KCNN2: variants seen among roughly 807,000 people sequenced by gnomAD.
The protein encoded by KCNN2 is potassium calcium-activated channel subfamily N member 2, also known as small conductance calcium-activated potassium channel protein 2.
A neutral mutation model predicts 55.5 loss-of-function variants in KCNN2; 24 were observed. That is an observed-to-expected ratio of 0.43 (90% CI 0.31 to 0.61). The LOEUF is 0.61. Among genes scored for constraint, KCNN2 ranks in the 20% least tolerant of loss-of-function variants. The pLI is 0.08. For missense variants in KCNN2, 754 were observed against 853.6 expected (o/e 0.88, Z 1.45); for synonymous variants, 431 against 336.1 (o/e 1.28, Z -3.09).
chr5:114,427,287 A>G (rs549178949), intron 3 of KCNN2, among the ~76,000 whole-genome samples: 1 of 152,338 alleles, frequency 6.6e-6, no homozygotes, highest in South Asian at 2.1e-4. Context: ...TAATAAAAAA[A>G]TTTTGACATG....
chr5:114,107,308 C>G (rs1350790900), intron 1 of KCNN2, among the ~76,000 whole-genome samples: 1 of 151,954 alleles, frequency 6.6e-6, no homozygotes, highest in Non-Finnish European at 1.5e-5. Context: ...TTACAATAAG[C>G]TTGGTATCTG....
intron 4 of KCNN2, among the ~76,000 whole-genome samples, chr5:114,469,859 T>G (rs952579966): frequency 6.6e-6 from 1 of 152,176 alleles, no homozygotes; most frequent in African/African-American, 2.4e-5. Context: ...CTCTTACGAT[T>G]TATTAATCTA....
intron 1 of KCNN2, among the ~76,000 whole-genome samples, chr5:114,068,594 A>T (rs889356695): frequency 6.6e-6 from 1 of 152,124 alleles, no homozygotes; most frequent in African/African-American, 2.4e-5. Flanking sequence ...ACTCACTGAT[A>T]AGGTGACTTC....
chr5:114,397,666 G>T (rs1758660735), intron 2 of KCNN2, among the ~76,000 whole-genome samples: 1 of 152,192 alleles, frequency 6.6e-6, no homozygotes, highest in African/African-American at 2.4e-5. Context: ...GGGATTACAG[G>T]CGTGAGCTAC....
intron 2 of KCNN2, among the ~76,000 whole-genome samples, chr5:114,395,807 T>C (rs1267397414): frequency 1.3e-5 from 2 of 152,194 alleles, no homozygotes; most frequent in African/African-American, 4.8e-5. Context: ...CACTGCCTGC[T>C]GCTTTCCAGA....
chr5:114,494,540 A>G (rs1254762864), intron 7 of KCNN2, among the ~76,000 whole-genome samples: 1 of 151,950 alleles, frequency 6.6e-6, no homozygotes, highest in Non-Finnish European at 1.5e-5. Flanking sequence ...TGGACATATG[A>G]AAAAAAGATA....
At chr5:114,474,199 TG>T (rs1761873477) in intron 5 of KCNN2, among the ~76,000 whole-genome samples, 3 of 152,234 alleles carry the variant, frequency 2.0e-5, no homozygotes, top group Non-Finnish European at 1.5e-5. Context: ...TTGTTTAATT[TG>T]GTTGATACTT....
At chr5:114,122,850 A>G (rs1751852729) in intron 1 of KCNN2, among the ~76,000 whole-genome samples, 1 of 152,228 alleles carries the variant, frequency 6.6e-6, no homozygotes, top group Non-Finnish European at 1.5e-5. Flanking sequence ...TGGGATGGGA[A>G]GTTCTTGTTT....
intron 1 of KCNN2, among the ~76,000 whole-genome samples, chr5:114,118,629 AGGCT>A (rs1258640275): frequency 6.6e-6 from 1 of 151,996 alleles, no homozygotes; most frequent in Admixed American, 6.6e-5. Flanking sequence ...TGGGGAAGGC[AGGCT>A]GTCTTATCAA....
At chr5:114,286,797 T>C (rs1330912867) in intron 2 of KCNN2, among the ~76,000 whole-genome samples, 1 of 152,156 alleles carries the variant, frequency 6.6e-6, no homozygotes, top group African/African-American at 2.4e-5. Context: ...AGTGAATAGA[T>C]AAAATTTCCA....
intron 1 of KCNN2, among the ~76,000 whole-genome samples, chr5:114,091,304 C>G (rs1412592400): frequency 1.3e-5 from 2 of 152,162 alleles, no homozygotes; most frequent in African/African-American, 2.4e-5. Flanking sequence ...CTCTCCTTGG[C>G]ACTTTCCTAC....
chr5:114,202,601 T>TTTTC (rs70976320), intron 1 of KCNN2, among the ~76,000 whole-genome samples: 1 of 141,078 alleles, frequency 7.1e-6, no homozygotes, highest in African/African-American at 2.8e-5. Flanking sequence ...TTTTTTTTTT[T>TTTTC]CCCGAGACAG....
chr5:114,434,455 A>T (rs1432334003), intron 3 of KCNN2, among the ~76,000 whole-genome samples: 1 of 152,152 alleles, frequency 6.6e-6, no homozygotes, highest in Non-Finnish European at 1.5e-5. Flanking sequence ...TAACCCCAAC[A>T]TTCCTACCAT....
At position 114,245,334 on chromosome 5, in the gene KCNN2, C is replaced by T. The variant is rs571770155; in HGVS notation, c.-185+23769C>T. On this transcript the variant is annotated intron_variant, in intron 2 of 10. Transcript: ENST00000512097. ...GAATGTTAGCAGGATTATTGATAAA[C>T]GTGATATCTCTTCATGCACATAACA... 7.9e-5 allele frequency among the ~76,000 whole-genome samples: 12 copies of T among 152,306 alleles called. No individual in the cohort carries two copies. The South Asian group carries it at 1.5e-3, about 18-fold the overall frequency.
At chr5:114,190,017 A>G (rs1753419370) in intron 1 of KCNN2, among the ~76,000 whole-genome samples, 1 of 152,154 alleles carries the variant, frequency 6.6e-6, no homozygotes, top group African/African-American at 2.4e-5. Flanking sequence ...TTATAACATC[A>G]CAGCATGGAA....
intron 1 of KCNN2, among the ~76,000 whole-genome samples, chr5:114,190,748 C>T (rs546231335): frequency 1.3e-5 from 2 of 152,038 alleles, no homozygotes; most frequent in Non-Finnish European, 2.9e-5. Flanking sequence ...TATGTTATTT[C>T]ACTTATAGTT....
chr5:114,464,553 T>G (rs910228417), intron 4 of KCNN2, among the ~76,000 whole-genome samples: 1 of 152,174 alleles, frequency 6.6e-6, no homozygotes, highest in Non-Finnish European at 1.5e-5. Context: ...CTGGGAAGAC[T>G]GCTCCAAGAG....
intron 3 of KCNN2, among the ~76,000 whole-genome samples, chr5:114,431,136 T>G (rs1411374832): frequency 6.6e-6 from 1 of 152,156 alleles, no homozygotes; most frequent in Non-Finnish European, 1.5e-5. Flanking sequence ...TCCCGGCTTC[T>G]GTCTCTAGAA....
intron 2 of KCNN2, among the ~76,000 whole-genome samples, chr5:114,378,647 T>C (rs1306721664): frequency 2.6e-5 from 4 of 152,160 alleles, no homozygotes; most frequent in Admixed American, 2.6e-4. Flanking sequence ...TTGAAACTTC[T>C]GGTGCCTCGG....
Sources: gnomAD v4.1 joint callset for allele counts (sites outside exome capture counted in the v4.1 genomes callset) on GRCh38, gnomAD v4.1.1 for gene constraint, MANE v1.5 for transcripts, NCBI Gene and HGNC (gene_info 2026-07-23, HGNC 2026-07-21) for gene names.